The following USP43 variants were observed in gnomAD, a reference collection of about 807,000 sequenced individuals.
USP43 encodes the protein ubiquitin specific peptidase 43.
In USP43, 33 loss-of-function variants were observed where a neutral mutation model predicts 90.7. The observed-to-expected ratio is 0.36, with a 90% CI of 0.28 to 0.49. The LOEUF (loss-of-function observed/expected upper bound fraction) is 0.49, where lower values mean the gene tolerates loss of function less well. Ranked by LOEUF, USP43 falls within the 20% of genes least tolerant of loss-of-function variation. USP43 has a pLI of 0.98. For missense variants in USP43, 1,274 were observed against 1,476.4 expected, an observed-to-expected ratio of 0.86 and a Z score of 2.25; for synonymous variants, 598 against 615.8, an observed-to-expected ratio of 0.97 and a Z score of 0.43.
chr17:9,680,885 T>C (rs1001592931), intron 6 of USP43, among the ~76,000 whole-genome samples: 1 of 150,992 alleles, frequency 6.6e-6, no homozygotes, highest in African/African-American at 2.4e-5. Flanking sequence ...TCTTAATGCT[T>C]GCTTTTCCTA....
rs1170805139 is a variant in USP43 at position 9,701,954 on chromosome 17, C to T, written c.2011+254C>T. ...GAGTCAGAAGGATGCCTGCAGCTCTCCAGGAACCCATAGGCAGGGCACGGT... is the reference window on the plus strand; with the variant it reads ...GAGTCAGAAGGATGCCTGCAGCTCTTCAGGAACCCATAGGCAGGGCACGGT... On this transcript the variant is annotated intron_variant, in intron 12 of 14. Transcript: ENST00000285199. This position sits in a 1 kb window ranked among gnomAD's most constrained non-coding sequence, Gnocchi z 7.2. Among the ~76,000 whole-genome samples, 2 of 152,208 alleles carry T rather than the reference C, an allele frequency of 1.3e-5. No homozygotes were observed. The highest frequency in any genetic ancestry group is 2.9e-5 in the Non-Finnish European group (2 of 68,038).
chr17:9,717,158 CAAAA>C (rs34421871), intron 14 of USP43, among the ~76,000 whole-genome samples: 3 of 81,832 alleles, frequency 3.7e-5, no homozygotes, highest in Admixed American at 2.9e-4. Flanking sequence ...GACTCCCTCT[CAAAA>C]AAAAAAAAAA....
At position 9,662,977 on chromosome 17, in the gene USP43, C is replaced by T. The variant is rs140648125; in HGVS notation, c.637-3671C>T. On this transcript the variant is annotated intron_variant, in intron 2 of 14. Coordinates refer to ENST00000285199, the MANE Select transcript of USP43 (RefSeq NM_153210.5). ...GGATTACAGGTGTGCACCACCACAC[C>T]CGGCTAATTTTTGTATTTTTAGTAG... is the stretch of plus-strand genomic sequence containing the variant. 7.6e-3 allele frequency among the ~76,000 whole-genome samples: 1,155 copies of T among 151,994 alleles called. 12 individuals are homozygous for T. Among genetic ancestry groups the T allele is most frequent in the African/African-American group, 0.026 (1,093 of 41,454 alleles).
At chr17:9,679,666 C>T (rs1327285696) in intron 5 of USP43, among the ~76,000 whole-genome samples, 1 of 151,996 alleles carries the variant, frequency 6.6e-6, no homozygotes, top group Non-Finnish European at 1.5e-5. Context: ...GCTGGGACTA[C>T]AGGCACCCAA....
intron 9 of USP43, among the ~76,000 whole-genome samples, chr17:9,696,356 A>G (rs1915267848): frequency 6.6e-6 from 1 of 151,356 alleles, no homozygotes; most frequent in Non-Finnish European, 1.5e-5. Context: ...CTGGTTGTGA[A>G]CTCCTGAGCT....
intron 5 of USP43, among the ~76,000 whole-genome samples, chr17:9,677,608 C>A (rs1913870595): frequency 6.6e-6 from 1 of 152,198 alleles, no homozygotes; most frequent in Non-Finnish European, 1.5e-5. Context: ...TGGCGCCAAG[C>A]CACATGGCAG....
chr17:9,679,516 CTTTTTTTT>C (rs544977324), intron 5 of USP43, among the ~76,000 whole-genome samples: 1 of 82,306 alleles, frequency 1.2e-5, no homozygotes, highest in Non-Finnish European at 2.1e-5. Flanking sequence ...TGAAATGCAT[CTTTTTTTT>C]TTTTTTTTTT....
chr17:9,705,567 C>T (rs1453212316), intron 12 of USP43, among the ~76,000 whole-genome samples: 1 of 151,834 alleles, frequency 6.6e-6, no homozygotes, highest in Non-Finnish European at 1.5e-5. Context: ...CCAGCCTGGC[C>T]AACATGGTGA....
intron 2 of USP43, among the ~76,000 whole-genome samples, chr17:9,659,417 G>A (rs1411365967): frequency 6.6e-6 from 1 of 152,148 alleles, no homozygotes; most frequent in Non-Finnish European, 1.5e-5. Flanking sequence ...CTTCTACTTG[G>A]TGGAGATAGA....
intron 3 of USP43, among the ~76,000 whole-genome samples, chr17:9,668,505 T>C (rs1390911889): frequency 6.6e-6 from 1 of 152,256 alleles, no homozygotes; most frequent in Non-Finnish European, 1.5e-5. Flanking sequence ...AAATAGTCTT[T>C]GAAACTAAGC....
At chr17:9,665,775 T>C (rs1913001133) in intron 2 of USP43, among the ~76,000 whole-genome samples, 1 of 152,062 alleles carries the variant, frequency 6.6e-6, no homozygotes, top group African/African-American at 2.4e-5. Context: ...TGGGGGAAAT[T>C]TGAGACACAC....
At position 9,728,271 on chromosome 17, in the gene USP43, A is replaced by G. The variant is rs1417425801; in HGVS notation, c.2653A>G (p.Arg885Gly). 1 of 1,613,648 alleles carries G rather than the reference A, an allele frequency of 6.2e-7. No individual in the cohort carries two copies. Among genetic ancestry groups the G allele is most frequent in the Admixed American group, 1.7e-5 (1 of 59,970 alleles). The change falls in exon 15 of 15, where the codon AGA becomes GGA. Residue 885 changes from arginine to glycine, a missense_variant. Physicochemically the swap from Arg to Gly is moderately radical, Grantham distance 125. Coordinates refer to ENST00000285199, the MANE Select transcript of USP43 (RefSeq NM_153210.5). This position sits in a 1 kb window ranked among gnomAD's most constrained non-coding sequence, Gnocchi z 6.2. ...NSEDGGRAIE[R>G]GPAGVPCPSA... ...CGAAGATGGTGGGCGGGCCATTGAAAGAGGTCCAGCCGGGGTGCCCTGTCC... is the reference window on the plus strand; with the variant it reads ...CGAAGATGGTGGGCGGGCCATTGAAGGAGGTCCAGCCGGGGTGCCCTGTCC...
At chr17:9,705,331 C>A (rs1293336211) in intron 12 of USP43, among the ~76,000 whole-genome samples, 1 of 144,746 alleles carries the variant, frequency 6.9e-6, no homozygotes, top group Admixed American at 7.0e-5. Flanking sequence ...TCTTGGAAAT[C>A]TTTTCATGTC....
At chr17:9,711,864 G>A (rs1418304939) in intron 13 of USP43, 104 bp from the exon 14 acceptor site, 1 of 1,306,288 alleles carries the variant, frequency 7.7e-7, no homozygotes, top group Non-Finnish European at 1.0e-6. Flanking sequence ...TAGTTCTGGG[G>A]CTGAAGGATG....
intron 1 of USP43, among the ~76,000 whole-genome samples, chr17:9,652,660 C>G (rs964250361): frequency 1.3e-5 from 2 of 151,904 alleles, no homozygotes; most frequent in African/African-American, 2.4e-5. Context: ...CACCCCTGGC[C>G]TGTTTCCATA....
Position 9,682,910 on chromosome 17 carries a change from T to C in USP43, c.1193T>C (p.Val398Ala). The change falls in exon 7 of 15, where the codon GTG (valine) becomes GCG (alanine). Residue 398 changes from valine (V) to alanine (A), a missense_variant. By Grantham distance (64) the Val-to-Ala change is moderately conservative (BLOSUM62 0). Coordinates refer to ENST00000285199, the MANE Select transcript of USP43 (RefSeq NM_153210.5). ...CTCTCTCTCCACAGTGAGAGCAAGGTGCTAATCCTCTTCTGTAACTTGGTG... is the reference window on the plus strand; with the variant it reads ...CTCTCTCTCCACAGTGAGAGCAAGGCGCTAATCCTCTTCTGTAACTTGGTG... ...FSLSLHSESK[V>A]LILFCNLVGS... 2.5e-6 allele frequency: 4 copies of C among 1,614,034 alleles called. No homozygotes were observed. Among genetic ancestry groups the C allele is most frequent in the Non-Finnish European group, 3.4e-6 (4 of 1,179,878 alleles).
At chr17:9,703,329 A>G (rs988323231) in intron 12 of USP43, among the ~76,000 whole-genome samples, 2 of 152,162 alleles carry the variant, frequency 1.3e-5, no homozygotes, top group Non-Finnish European at 2.9e-5. Context: ...GTGGCCCCAC[A>G]TAAATTAAGG....
chr17:9,710,500 C>CTTTTTTTT (rs753636549), intron 13 of USP43, among the ~76,000 whole-genome samples: 21 of 86,040 alleles, frequency 2.4e-4, no homozygotes, highest in East Asian at 3.9e-4. Context: ...GGAAAGGTAG[C>CTTTTTTTT]TTTTTTTTTT....
chr17:9,699,565 G>C (rs1915456218), intron 9 of USP43, among the ~76,000 whole-genome samples: 2 of 152,280 alleles, frequency 1.3e-5, no homozygotes, highest in South Asian at 4.1e-4. Flanking sequence ...TGTTCCTATT[G>C]ATTTCAGGAT....
Sources: allele counts gnomAD v4.1 joint callset (sites outside exome capture counted in the v4.1 genomes callset), GRCh38; gene constraint gnomAD v4.1.1; non-coding constraint Gnocchi (gnomAD v3.1); transcripts MANE v1.5; gene names NCBI Gene and HGNC (gene_info 2026-07-23, HGNC 2026-07-21).